The following ABRAXAS2 variants were observed in gnomAD, a reference collection of about 807,000 sequenced individuals.
ABRAXAS2 encodes the protein abraxas 2, BRISC complex subunit.
A neutral mutation model predicts 49.0 loss-of-function variants in ABRAXAS2; 23 were observed. That is an observed-to-expected ratio of 0.47 (90% CI 0.34 to 0.66). The LOEUF (loss-of-function observed/expected upper bound fraction) is 0.66, where lower values mean the gene tolerates loss of function less well. Ranked by LOEUF, ABRAXAS2 falls within the 30% of genes least tolerant of loss-of-function variation. ABRAXAS2 has a pLI of 0.01. For missense variants in ABRAXAS2, 443 were observed against 511.9 expected (o/e 0.87, Z 1.30); for synonymous variants, 168 against 180.2 (o/e 0.93, Z 0.54).
chr10:124,826,601 AT>A lies in ABRAXAS2; in HGVS notation c.276del (p.Ile92MetfsTer52). Reference protein sequence around the residue: ...RILKDRRKKVIGWYRFRRNTQ... With the variant: ...RILKDRRKKVXGWYRFRRNTQ... Reference sequence around the variant, plus strand: ...TTTCACACTTTTCTTTCAGAAAGTCATTGGGTGGTACAGATTCCGGCGCAAT... The same window carrying A: ...TTTCACACTTTTCTTTCAGAAAGTCATGGGTGGTACAGATTCCGGCGCAAT... On this transcript the variant is annotated frameshift_variant, in exon 5 of 9. Coordinates refer to ENST00000298492, the MANE Select transcript of ABRAXAS2 (RefSeq NM_032182.4). LOFTEE classifies it high-confidence loss of function. The A allele has an allele frequency of 6.2e-7, 1 of 1,606,770 alleles. No homozygotes were observed. Among genetic ancestry groups the A allele is most frequent in the Non-Finnish European group, 8.5e-7 (1 of 1,176,856 alleles).
chr10:124,819,778 TAAAAAA>T (rs934872459), intron 4 of ABRAXAS2, among the ~76,000 whole-genome samples: 3 of 138,164 alleles, frequency 2.2e-5, no homozygotes, highest in Non-Finnish European at 4.7e-5. Flanking sequence ...CATCTCAACT[TAAAAAA>T]AAAAGAAAAA....
rs150499552 is a variant in ABRAXAS2, at chr10:124,830,019, C to G, written c.663+542C>G. ...TTTCCCACATTCTTTTCGTCATCCC[C>G]GCTGTGTTTTTAGGAGTAGTTTGCT... On this transcript the variant is annotated intron_variant, in intron 7 of 8. Coordinates refer to ENST00000298492, the MANE Select transcript of ABRAXAS2 (RefSeq NM_032182.4). 1.3e-5 allele frequency among the ~76,000 whole-genome samples: 2 copies of G among 152,154 alleles called. 1 individual carries two copies. Among genetic ancestry groups the G allele is most frequent in the South Asian group, 4.1e-4 (2 of 4,824 alleles).
intron 2 of ABRAXAS2, 151 bp from the exon 3 acceptor site, chr10:124,816,425 C>G (rs1010189868): frequency 8.4e-6 from 5 of 596,916 alleles, no homozygotes; most frequent in Non-Finnish European, 1.5e-5. Context: ...GGTGAGTATT[C>G]AGACTGGTGT....
At position 124,835,661 on chromosome 10, in the gene ABRAXAS2, A is replaced by G. The variant is rs1249093022; in HGVS notation, c.*690A>G. ...AATAAATACGTCATAAAATAAATTA[A>G]TTATTTTTTCTTTGATGGATTACAG... On this transcript the variant is annotated 3_prime_UTR_variant, in exon 9 of 9. Coordinates refer to ENST00000298492, the MANE Select transcript of ABRAXAS2 (RefSeq NM_032182.4). 1 of 152,190 alleles carries G rather than the reference A, an allele frequency of 6.6e-6. No individual in the cohort carries two copies. Among genetic ancestry groups the G allele is most frequent in the Non-Finnish European group, 1.5e-5 (1 of 68,022 alleles). The allele number at this position is 152,190 out of a possible 1,614,324, so 9.4% of individuals were successfully genotyped here.
intron 1 of ABRAXAS2, among the ~76,000 whole-genome samples, chr10:124,805,527 G>A (rs1044621081): frequency 2.0e-5 from 3 of 152,192 alleles, no homozygotes; most frequent in African/African-American, 7.2e-5. Context: ...CACCTACTAA[G>A]TGTTAGGCAT....
At chr10:124,806,200 G>A (rs960434649) in intron 1 of ABRAXAS2, among the ~76,000 whole-genome samples, 1 of 151,958 alleles carries the variant, frequency 6.6e-6, no homozygotes, top group South Asian at 2.1e-4. Context: ...CAGCTACTCA[G>A]GAGGCTGAGA....
chr10:124,809,990 T>C (rs1036233628), intron 2 of ABRAXAS2, among the ~76,000 whole-genome samples: 1 of 152,156 alleles, frequency 6.6e-6, no homozygotes, highest in African/African-American at 2.4e-5. Flanking sequence ...CGACCTCAGG[T>C]GATCCGCCCA....
At chr10:124,813,933 C>A (rs571417127) in intron 2 of ABRAXAS2, among the ~76,000 whole-genome samples, 1 of 152,314 alleles carries the variant, frequency 6.6e-6, no homozygotes, top group Admixed American at 6.5e-5. Flanking sequence ...AAAGATTCTG[C>A]ATCCTAATTA....
chr10:124,816,520 T>G, intron 2 of ABRAXAS2, 56 bp from the exon 3 acceptor site: 1 of 1,253,288 alleles, frequency 8.0e-7, no homozygotes, highest in Non-Finnish European at 1.1e-6. Flanking sequence ...AGCTATTTTA[T>G]AGTTGCCTAT....
At chr10:124,810,336 G>T (rs1950778846) in intron 2 of ABRAXAS2, among the ~76,000 whole-genome samples, 1 of 152,142 alleles carries the variant, frequency 6.6e-6, no homozygotes, top group Non-Finnish European at 1.5e-5. Flanking sequence ...GACCAGCCTG[G>T]GCAAGGTGGC....
intron 2 of ABRAXAS2, 92 bp from the exon 3 acceptor site, chr10:124,816,484 G>C: frequency 2.6e-6 from 2 of 761,926 alleles, no homozygotes; most frequent in Non-Finnish European, 4.1e-6. Flanking sequence ...TGTTGTCAGA[G>C]ATTTTGATTA....
chr10:124,832,014 A>C (rs560485904), intron 8 of ABRAXAS2, among the ~76,000 whole-genome samples: 98 of 151,148 alleles, frequency 6.5e-4, no homozygotes, highest in Admixed American at 1.9e-3. Flanking sequence ...CACCATGCCC[A>C]GCTAATTTTT....
rs556274575 is a variant in ABRAXAS2 at position 124,828,585 on chromosome 10, G to A, written c.459-171G>A. ...GTTTCACCATGTTGGCCAGGCTGGCGTTGGTCTCGAACTCCTGACCTCAGG... is the reference window on the plus strand; with the variant it reads ...GTTTCACCATGTTGGCCAGGCTGGCATTGGTCTCGAACTCCTGACCTCAGG... On this transcript the variant is annotated intron_variant, in intron 5 of 8. Coordinates refer to ENST00000298492, the MANE Select transcript of ABRAXAS2 (RefSeq NM_032182.4). Among the ~76,000 whole-genome samples the A allele has an allele frequency of 2.6e-5, 4 of 151,870 alleles. No homozygotes were observed. The East Asian group carries it at 5.8e-4, about 22-fold the overall frequency.
intron 8 of ABRAXAS2, among the ~76,000 whole-genome samples, chr10:124,831,842 C>CTT (rs71029219): frequency 0.025 from 950 of 37,706 alleles, 84 homozygotes; most frequent in Non-Finnish European, 0.038. Context: ...TGTGTCCTGT[C>CTT]TTTTTTTTTT....
chr10:124,810,598 T>G (rs1255579935), intron 2 of ABRAXAS2, among the ~76,000 whole-genome samples: 1 of 151,302 alleles, frequency 6.6e-6, no homozygotes, highest in Non-Finnish European at 1.5e-5. Context: ...GGTTTTTTTT[T>G]TTTGAGATGG....
intron 1 of ABRAXAS2, among the ~76,000 whole-genome samples, chr10:124,806,093 G>T (rs1243724647): frequency 6.6e-6 from 1 of 151,970 alleles, no homozygotes; most frequent in African/African-American, 2.4e-5. Context: ...GAGGTCAGGA[G>T]ATCGAGACCA....
chr10:124,823,001 T>A (rs1950872150), intron 4 of ABRAXAS2, among the ~76,000 whole-genome samples: 1 of 152,164 alleles, frequency 6.6e-6, no homozygotes, highest in Admixed American at 6.5e-5. Flanking sequence ...TTTATAGAAT[T>A]TTGTGCTAAA....
At chr10:124,805,610 G>C (rs1490840747) in intron 1 of ABRAXAS2, among the ~76,000 whole-genome samples, 2 of 152,136 alleles carry the variant, frequency 1.3e-5, no homozygotes, top group Admixed American at 6.6e-5. Flanking sequence ...ATTCTGGCAA[G>C]GGATAATAAA....
intron 2 of ABRAXAS2, among the ~76,000 whole-genome samples, chr10:124,808,268 C>T (rs895267600): frequency 8.6e-5 from 13 of 152,042 alleles, no homozygotes; most frequent in South Asian, 2.1e-4. Flanking sequence ...CTCCGCCTCC[C>T]GGGTTCAGGC....
Sources: gnomAD v4.1 joint callset for allele counts (sites outside exome capture counted in the v4.1 genomes callset) on GRCh38, gnomAD v4.1.1 for gene constraint, MANE v1.5 for transcripts, NCBI Gene and HGNC (gene_info 2026-07-23, HGNC 2026-07-21) for gene names.